Variants in MED27 observed in about 807,000 individuals in gnomAD.
The protein encoded by MED27 is mediator complex subunit 27, also known as mediator of RNA polymerase II transcription subunit 27.
MED27 carries 30 observed loss-of-function variants against 38.2 expected under a neutral mutation model. The ratio of observed to expected loss-of-function variants is 0.79; its 90% confidence interval spans 0.59 to 1.07. The LOEUF is 1.07. Among genes scored for constraint, MED27 ranks in the 50% least tolerant of loss-of-function variants. MED27 has a pLI of 0.00. For missense variants in MED27, 289 were observed against 397.5 expected (o/e 0.73, Z 2.32); for synonymous variants, 122 against 153.5 (o/e 0.79, Z 1.52).
chr9:132,066,422 C>T (rs764411096), intron 2 of MED27, among the ~76,000 whole-genome samples: 3 of 152,340 alleles, frequency 2.0e-5, no homozygotes, highest in Middle Eastern at 3.4e-3. Flanking sequence ...GCCTCCAATT[C>T]CCAGGGTTGA....
intron 4 of MED27, among the ~76,000 whole-genome samples, chr9:131,937,345 G>A (rs913872440): frequency 6.6e-6 from 1 of 152,172 alleles, no homozygotes; most frequent in African/African-American, 2.4e-5. Context: ...CTGTGTCGCT[G>A]AAGAAAGGTA....
intron 3 of MED27, among the ~76,000 whole-genome samples, chr9:131,964,936 C>G (rs982378924): frequency 6.6e-6 from 1 of 152,220 alleles, no homozygotes; most frequent in African/African-American, 2.4e-5. Flanking sequence ...CATGCCTACA[C>G]CTTTTCAATA....
At chr9:131,969,973 G>C (rs562828558) in intron 3 of MED27, among the ~76,000 whole-genome samples, 6 of 152,300 alleles carry the variant, frequency 3.9e-5, no homozygotes, top group Admixed American at 2.0e-4. Context: ...GGCTGGGGGG[G>C]GGTGGGGGCA....
intron 3 of MED27, among the ~76,000 whole-genome samples, chr9:131,962,857 C>T (rs1027002941): frequency 1.3e-5 from 2 of 152,058 alleles, no homozygotes; most frequent in Non-Finnish European, 2.9e-5. Flanking sequence ...GCATTCTTTC[C>T]TTTAGTGAAG....
intron 3 of MED27, among the ~76,000 whole-genome samples, chr9:131,958,656 C>T (rs1831153069): frequency 6.6e-6 from 1 of 152,098 alleles, no homozygotes; most frequent in Non-Finnish European, 1.5e-5. Context: ...TGTGTCAGTG[C>T]TAGGGAGGCC....
At chr9:131,957,336 C>T (rs1234122354) in intron 3 of MED27, among the ~76,000 whole-genome samples, 2 of 151,884 alleles carry the variant, frequency 1.3e-5, no homozygotes. Context: ...CTCACTGTAG[C>T]TGCAATCTCC....
intron 2 of MED27, chr9:132,073,766 GT>G: frequency 6.7e-7 from 1 of 1,493,152 alleles, no homozygotes; most frequent in African/African-American, 1.5e-5. Context: ...AAAATCAAAC[GT>G]GAAAAAAAAA....
chr9:132,002,019 G>A (rs1832246809), intron 3 of MED27, among the ~76,000 whole-genome samples: 1 of 152,222 alleles, frequency 6.6e-6, no homozygotes, highest in Non-Finnish European at 1.5e-5. Context: ...GAGCAAAGCT[G>A]TGGCCCTGCA....
At chr9:131,964,406 GATA>G in intron 3 of MED27, among the ~76,000 whole-genome samples, 1 of 130,476 alleles carries the variant, frequency 7.7e-6, no homozygotes, top group Non-Finnish European at 1.7e-5. Flanking sequence ...TGCTGGAGGT[GATA>G]GTGATGGTGG....
At chr9:132,015,226 G>C (rs550521003) in intron 2 of MED27, among the ~76,000 whole-genome samples, 2 of 152,290 alleles carry the variant, frequency 1.3e-5, no homozygotes, top group East Asian at 3.9e-4. Flanking sequence ...AATGGATATA[G>C]GCTCATTGAA....
chr9:131,908,062 C>A (rs1830105602), intron 4 of MED27, among the ~76,000 whole-genome samples: 1 of 151,858 alleles, frequency 6.6e-6, no homozygotes, highest in African/African-American at 2.4e-5. Context: ...CTCCGCCCGG[C>A]AGCCACCCGG....
intron 2 of MED27, among the ~76,000 whole-genome samples, chr9:132,026,933 G>A (rs756063590): frequency 5.9e-5 from 9 of 152,224 alleles, no homozygotes; most frequent in East Asian, 1.9e-4. Context: ...AGGCACAGAC[G>A]TTAAGCGGCA....
At chr9:131,975,556 A>C (rs534171370) in intron 3 of MED27, among the ~76,000 whole-genome samples, 1 of 152,368 alleles carries the variant, frequency 6.6e-6, no homozygotes, top group South Asian at 2.1e-4. Context: ...GCAGTGGTCC[A>C]GTCATTCATT....
intron 6 of MED27, among the ~76,000 whole-genome samples, chr9:131,871,147 G>A (rs550202104): frequency 9.9e-5 from 15 of 152,274 alleles, no homozygotes; most frequent in African/African-American, 2.9e-4. Flanking sequence ...CCAGGTGTGC[G>A]TCCTGCTGTA....
chr9:132,016,271 T>TA (rs1210325321), intron 2 of MED27, among the ~76,000 whole-genome samples: 18 of 152,320 alleles, frequency 1.2e-4, no homozygotes, highest in African/African-American at 4.3e-4. Flanking sequence ...AGTGATCCAG[T>TA]ATGACAGAAG....
intron 2 of MED27, among the ~76,000 whole-genome samples, chr9:132,050,248 T>C (rs115234140): frequency 3.2e-4 from 49 of 152,254 alleles, no homozygotes; most frequent in African/African-American, 1.2e-3. Context: ...AGAGGCACCA[T>C]GTGAACAAAA....
chr9:131,910,922 AACC>A (rs1830176688), intron 4 of MED27, among the ~76,000 whole-genome samples: 1 of 151,894 alleles, frequency 6.6e-6, no homozygotes, highest in African/African-American at 2.4e-5. Flanking sequence ...CACCCCCCAC[AACC>A]ACCAGTTACC....
intron 4 of MED27, among the ~76,000 whole-genome samples, chr9:131,905,408 T>C (rs888226083): frequency 1.3e-5 from 2 of 152,192 alleles, no homozygotes; most frequent in Non-Finnish European, 2.9e-5. Context: ...CCTGTCTCAC[T>C]GAAACTACCT....
intron 4 of MED27, among the ~76,000 whole-genome samples, chr9:131,919,827 G>C (rs1158893602): frequency 2.8e-5 from 2 of 70,786 alleles, no homozygotes; most frequent in Non-Finnish European, 5.9e-5. Context: ...TTTTTTTTTT[G>C]AGATAGGGTC....
Sources: gnomAD v4.1 joint callset for allele counts (sites outside exome capture counted in the v4.1 genomes callset) on GRCh38, gnomAD v4.1.1 for gene constraint, MANE v1.5 for transcripts, NCBI Gene and HGNC (gene_info 2026-07-23, HGNC 2026-07-21) for gene names.